The following PCGF3 variants were observed in gnomAD, a reference collection of about 807,000 sequenced individuals.
PCGF3 encodes polycomb group RING finger protein 3.
In PCGF3, 7 loss-of-function variants were observed where a neutral mutation model predicts 33.1. The observed-to-expected ratio is 0.21, with a 90% confidence interval of 0.12 to 0.40. The LOEUF (loss-of-function observed/expected upper bound fraction) is 0.40, where lower values mean the gene tolerates loss of function less well. PCGF3 is among the 10% of genes least tolerant of loss of function. The probability of loss-of-function intolerance (pLI) is 1.00; values close to 1 mark genes in which losing one functional copy is unlikely to be tolerated. For synonymous variants in PCGF3, 153 were observed against 121.3 expected (o/e 1.26, Z -1.72); for missense variants, 211 against 313.3 (o/e 0.67, Z 2.46).
At chr4:732,908 C>T (rs943189092) in intron 3 of PCGF3, among the ~76,000 whole-genome samples, 5 of 152,348 alleles carry the variant, frequency 3.3e-5, no homozygotes, top group Middle Eastern at 3.4e-3. Context: ...CTCTGCCTGC[C>T]GTCGTGCGGT....
intron 3 of PCGF3, among the ~76,000 whole-genome samples, 186 bp from the exon 4 acceptor site, chr4:733,486 C>A (rs867687111): frequency 1.4e-4 from 22 of 152,292 alleles, no homozygotes; most frequent in African/African-American, 5.1e-4. Context: ...TCCCAGTGCA[C>A]GCAGACACTG....
At chr4:760,957 C>T (rs1006938192) in intron 8 of PCGF3, among the ~76,000 whole-genome samples, 6 of 152,206 alleles carry the variant, frequency 3.9e-5, no homozygotes, top group Non-Finnish European at 7.3e-5. Flanking sequence ...CCATGTTTGT[C>T]CGGACAGGCT....
intron 1 of PCGF3, among the ~76,000 whole-genome samples, chr4:728,088 C>T (rs1300167633): frequency 6.6e-6 from 1 of 152,138 alleles, no homozygotes; most frequent in Non-Finnish European, 1.5e-5. Context: ...CGTAAACTTT[C>T]CATTTTATTA....
rs527320656 is a variant in PCGF3, at chr4:761,453, C to T, written c.600+37C>T. On this transcript the variant is annotated intron_variant, in intron 9 of 10. Transcript: ENST00000362003. ...TCCCTAAGTAGAAACCATAACAAGTCCTCTCTTATTTCTAAAGGTAACTCC... is the reference window on the plus strand; with the variant it reads ...TCCCTAAGTAGAAACCATAACAAGTTCTCTCTTATTTCTAAAGGTAACTCC... 2.8e-4 allele frequency: 433 copies of T among 1,531,852 alleles called. 2 individuals carry two copies. The South Asian group carries it at 4.6e-3, about 16-fold the overall frequency. The allele number at this position is 1,531,852 out of a possible 1,614,324, so 94.9% of individuals were successfully genotyped here. A position where few individuals can be genotyped will look rare whatever the true frequency, so the allele number is the denominator to read the frequency against.
intron 8 of PCGF3, among the ~76,000 whole-genome samples, chr4:750,487 C>A (rs2152602944): frequency 6.6e-6 from 1 of 152,334 alleles, no homozygotes; most frequent in African/African-American, 2.4e-5. Flanking sequence ...TTGCCCACGT[C>A]CTGCTCTGCC....
At chr4:709,669 A>G (rs1233679414) in intron 1 of PCGF3, among the ~76,000 whole-genome samples, 2 of 152,262 alleles carry the variant, frequency 1.3e-5, no homozygotes, top group East Asian at 3.8e-4. Context: ...GTGTAACCCT[A>G]AAACTCTGAG....
In PCGF3 at chr4:735,099, C is replaced by G. The variant is rs572845257; in HGVS notation, c.206+72C>G. 4.6e-6 allele frequency: 7 copies of G among 1,509,110 alleles called. No individual in the cohort carries two copies. The East Asian group carries it at 1.6e-4, about 35-fold the overall frequency. The allele number at this position is 1,509,110 out of a possible 1,614,324, so 93.5% of individuals were successfully genotyped here. ...TGGGCGTCTCTGTGTGTGGGCCTTC[C>G]CAGGCCATTAGCGCTGTACTCCCAT... On this transcript the variant is annotated intron_variant, in intron 5 of 10. Transcript: ENST00000362003.
At chr4:766,241 A>C (rs947808199) in exon 11 of PCGF3, 1 of 607,290 alleles carries the variant, frequency 1.6e-6, no homozygotes, top group Admixed American at 2.8e-5. Context: ...ACAAGACACT[A>C]CCAGCACCAC....
intron 6 of PCGF3, among the ~76,000 whole-genome samples, chr4:738,862 A>AAAAT (rs139047597): frequency 2.6e-4 from 40 of 151,630 alleles, no homozygotes; most frequent in African/African-American, 7.5e-4. Flanking sequence ...CCGTCTCAAA[A>AAAAT]AAATAAATAA....
intron 6 of PCGF3, among the ~76,000 whole-genome samples, chr4:742,054 G>T (rs1284064263): frequency 6.6e-6 from 1 of 152,118 alleles, no homozygotes; most frequent in African/African-American, 2.4e-5. Flanking sequence ...CATTTCCCTT[G>T]TGAGGCTCCA....
chr4:707,368 A>G (rs542200000), intron 1 of PCGF3, among the ~76,000 whole-genome samples: 14 of 152,332 alleles, frequency 9.2e-5, no homozygotes, highest in South Asian at 4.1e-4. Flanking sequence ...CCCCATGACC[A>G]TAATTCAGGA....
intron 6 of PCGF3, among the ~76,000 whole-genome samples, chr4:741,942 G>T (rs951459911): frequency 6.6e-6 from 1 of 152,120 alleles, no homozygotes; most frequent in South Asian, 2.1e-4. Flanking sequence ...CCTGCTGTCA[G>T]CCCCTGTCTT....
At chr4:753,348 G>C (rs1221273998) in intron 8 of PCGF3, among the ~76,000 whole-genome samples, 4 of 151,608 alleles carry the variant, frequency 2.6e-5, no homozygotes, top group African/African-American at 9.7e-5. Flanking sequence ...ACCTGGCCTA[G>C]AACTTAATGT....
Position 743,469 on chromosome 4 carries a change from C to T in PCGF3, c.263-5C>T, listed in dbSNP as rs375188840. ...GATGAAAGACTGTGTGTTGATTTTC[C>T]GCAGCGGAAATGAGAAAGCAGAGGG... On this transcript the variant is annotated splice_polypyrimidine_tract_variant and splice_region_variant and intron_variant, in intron 6 of 10. Coordinates refer to ENST00000362003, the Ensembl canonical transcript of PCGF3. 1.4e-5 allele frequency: 22 copies of T among 1,585,124 alleles called. No individual in the cohort carries two copies. The highest frequency in any genetic ancestry group is 1.1e-4 in the East Asian group (5 of 44,744).
Position 761,274 on chromosome 4 carries a change from C to T in PCGF3, c.463-5C>T, listed in dbSNP as rs111637997. 55 of 1,577,912 alleles carry T rather than the reference C, an allele frequency of 3.5e-5. No individual in the cohort carries two copies. Among genetic ancestry groups the T allele is most frequent in the African/African-American group, 2.8e-4 (21 of 73,898 alleles). The stretch of plus-strand genomic sequence containing the variant: ...CTGCGCTCTCACCAGCGTCCTTTCC[C>T]GCAGGTGAGCATCTGCCTGGAGTGT... On this transcript the variant is annotated splice_region_variant and splice_polypyrimidine_tract_variant and intron_variant, in intron 8 of 10. Coordinates refer to ENST00000362003, the Ensembl canonical transcript of PCGF3.
At position 707,789 on chromosome 4, in the gene PCGF3, C is replaced by T. The variant is rs925942555; in HGVS notation, c.-190+1819C>T. Among the ~76,000 whole-genome samples the T allele has an allele frequency of 2.5e-5, 3 of 119,596 alleles. 1 individual carries two copies. The highest frequency in any genetic ancestry group is 9.0e-5 in the African/African-American group (3 of 33,456). 78.5% of individuals were successfully genotyped at this position (119,596 alleles called of 152,430 possible). A position where few individuals can be genotyped will look rare whatever the true frequency, so the allele number is the denominator to read the frequency against. ...CCTGGGGGCCGGGACCCTGGGACAG[C>T]TCTGTTTTCCCCTGGGGGCCGGGAC... On this transcript the variant is annotated intron_variant, in intron 1 of 10. Transcript: ENST00000362003.
At chr4:744,532 A>T (rs539210745) in intron 7 of PCGF3, 68 bp from the exon 8 acceptor site, 1 of 1,138,250 alleles carries the variant, frequency 8.8e-7, no homozygotes, top group African/African-American at 1.5e-5. Context: ...TTTGGAGTAC[A>T]GTGTAGTTTT....
intron 8 of PCGF3, among the ~76,000 whole-genome samples, chr4:749,216 G>A (rs977223438): frequency 3.9e-5 from 6 of 152,288 alleles, no homozygotes; most frequent in African/African-American, 1.4e-4. Context: ...CCAGGCTGGA[G>A]TGCAATGGCA....
intron 1 of PCGF3, among the ~76,000 whole-genome samples, chr4:715,497 A>C (rs1247912979): frequency 7.1e-6 from 1 of 140,650 alleles, no homozygotes; most frequent in African/African-American, 2.7e-5. Context: ...CCCTATAGAC[A>C]CTGAGTGGGA....
Sources: allele counts gnomAD v4.1 joint callset (sites outside exome capture counted in the v4.1 genomes callset), GRCh38; gene constraint gnomAD v4.1.1; transcripts MANE v1.5; gene names NCBI Gene and HGNC (gene_info 2026-07-23, HGNC 2026-07-21).